CPNE4: variants seen among roughly 807,000 people sequenced by gnomAD.
CPNE4 encodes the protein copine 4, also known as copine-4.
Under a neutral mutation model 67.9 loss-of-function variants are expected in CPNE4, and 25 were observed. That is an observed-to-expected ratio of 0.37 (90% CI 0.27 to 0.51). The LOEUF is 0.51. Among genes scored for constraint, CPNE4 ranks in the 20% least tolerant of loss-of-function variants. The pLI is 0.93. For synonymous variants in CPNE4, 242 were observed against 244.9 expected, an observed-to-expected ratio of 0.99 and a Z score of 0.11; for missense variants, 464 against 690.8, an observed-to-expected ratio of 0.67 and a Z score of 3.68.
intron 2 of CPNE4, among the ~76,000 whole-genome samples, chr3:131,743,926 G>C (rs1460280316): frequency 8.9e-6 from 1 of 111,930 alleles, no homozygotes; most frequent in Non-Finnish European, 1.6e-5. Context: ...TCGCGCCACT[G>C]CACTCCAGCC....
chr3:131,762,843 G>C (rs558723292), intron 2 of CPNE4, among the ~76,000 whole-genome samples: 1 of 151,642 alleles, frequency 6.6e-6, no homozygotes, highest in South Asian at 2.1e-4. Flanking sequence ...TGAATATCAT[G>C]AGTGTCAGCA....
At chr3:131,674,267 G>T (rs2107662191) in intron 6 of CPNE4, among the ~76,000 whole-genome samples, 1 of 152,078 alleles carries the variant, frequency 6.6e-6, no homozygotes, top group Non-Finnish European at 1.5e-5. Context: ...ATATTGGCCT[G>T]TAGTTTTCTT....
chr3:131,736,698 A>G (rs1446285740), intron 2 of CPNE4, among the ~76,000 whole-genome samples: 1 of 151,136 alleles, frequency 6.6e-6, no homozygotes, highest in Non-Finnish European at 1.5e-5. Flanking sequence ...GAGTTTAGGG[A>G]TCACATTGTT....
chr3:131,817,048 A>G (rs1276686934), intron 2 of CPNE4, among the ~76,000 whole-genome samples: 1 of 152,178 alleles, frequency 6.6e-6, no homozygotes, highest in African/African-American at 2.4e-5. Flanking sequence ...GTTTTTGAAG[A>G]CTTACATTTG....
At chr3:131,595,692 A>G (rs1251328247) in intron 7 of CPNE4, among the ~76,000 whole-genome samples, 1 of 152,068 alleles carries the variant, frequency 6.6e-6, no homozygotes, top group Non-Finnish European at 1.5e-5. Flanking sequence ...CAAAGCAATA[A>G]CTCACTCATT....
intron 2 of CPNE4, among the ~76,000 whole-genome samples, chr3:131,732,250 G>T (rs2082144425): frequency 6.6e-6 from 1 of 152,124 alleles, no homozygotes; most frequent in Non-Finnish European, 1.5e-5. Flanking sequence ...ATGAATGAAA[G>T]AAATAATCGT....
chr3:131,820,168 A>T (rs1219925216), intron 2 of CPNE4, among the ~76,000 whole-genome samples: 1 of 152,218 alleles, frequency 6.6e-6, no homozygotes, highest in Non-Finnish European at 1.5e-5. Flanking sequence ...CTGAAAGCAG[A>T]TTCTGAGTTT....
At chr3:131,923,969 C>T (rs1187432801) in intron 1 of CPNE4, among the ~76,000 whole-genome samples, 2 of 152,024 alleles carry the variant, frequency 1.3e-5, no homozygotes, top group African/African-American at 2.4e-5. Flanking sequence ...ATCCAAAAGA[C>T]CAAAGGGACC....
At chr3:131,874,478 C>G (rs1188864100) in intron 2 of CPNE4, among the ~76,000 whole-genome samples, 8 of 152,340 alleles carry the variant, frequency 5.3e-5, no homozygotes, top group Admixed American at 1.3e-4. Flanking sequence ...GAATGAGATA[C>G]AGCCCAGGCC....
chr3:132,016,993 T>A (rs2073902229), intron 1 of CPNE4, among the ~76,000 whole-genome samples: 1 of 152,084 alleles, frequency 6.6e-6, no homozygotes, highest in Non-Finnish European at 1.5e-5. Flanking sequence ...GTGGTAGGTG[T>A]TCAATATATG....
At chr3:131,612,338 C>T (rs565916161) in intron 7 of CPNE4, among the ~76,000 whole-genome samples, 1 of 152,200 alleles carries the variant, frequency 6.6e-6, no homozygotes, top group African/African-American at 2.4e-5. Context: ...TGAGCCACTG[C>T]ACTTCAGCCT....
intron 1 of CPNE4, among the ~76,000 whole-genome samples, chr3:132,001,657 C>G (rs142837215): frequency 6.6e-6 from 1 of 151,940 alleles, no homozygotes; most frequent in African/African-American, 2.4e-5. Context: ...TCCATCCATA[C>G]TAAGTATTCG....
chr3:131,879,653 A>G (rs2087594609), intron 2 of CPNE4, among the ~76,000 whole-genome samples: 1 of 152,164 alleles, frequency 6.6e-6, no homozygotes, highest in African/African-American at 2.4e-5. Flanking sequence ...CCCCTTCTCA[A>G]AAGGTCTTTT....
chr3:131,820,383 C>G (rs755402503), intron 2 of CPNE4, among the ~76,000 whole-genome samples: 4 of 152,146 alleles, frequency 2.6e-5, no homozygotes, highest in Non-Finnish European at 5.9e-5. Flanking sequence ...ACATTTATCA[C>G]ACCTTAATCC....
At chr3:131,644,429 G>T (rs1361901553) in intron 7 of CPNE4, among the ~76,000 whole-genome samples, 3 of 152,174 alleles carry the variant, frequency 2.0e-5, no homozygotes, top group African/African-American at 7.2e-5. Context: ...TTATAGGTGT[G>T]AGCCACCAGG....
intron 7 of CPNE4, among the ~76,000 whole-genome samples, chr3:131,666,870 C>T (rs1442017169): frequency 6.6e-6 from 1 of 152,122 alleles, no homozygotes; most frequent in Non-Finnish European, 1.5e-5. Flanking sequence ...AAATACAGTG[C>T]TTAGACCTTG....
At chr3:131,751,946 C>T (rs1327097081) in intron 2 of CPNE4, among the ~76,000 whole-genome samples, 1 of 152,068 alleles carries the variant, frequency 6.6e-6, no homozygotes, top group Non-Finnish European at 1.5e-5. Flanking sequence ...GTCCTATTTC[C>T]CTAGCTGGTC....
intron 2 of CPNE4, among the ~76,000 whole-genome samples, chr3:131,825,689 T>G (rs2085130608): frequency 6.6e-6 from 1 of 152,062 alleles, no homozygotes; most frequent in African/African-American, 2.4e-5. Context: ...TGAAATGAAA[T>G]TTATAAAAGC....
intron 1 of CPNE4, among the ~76,000 whole-genome samples, chr3:131,930,737 C>T (rs1378321009): frequency 6.6e-6 from 1 of 152,116 alleles, no homozygotes; most frequent in African/African-American, 2.4e-5. Context: ...ATATGTGGTT[C>T]TCTTTGGGCC....
Sources: allele counts gnomAD v4.1 joint callset (sites outside exome capture counted in the v4.1 genomes callset), GRCh38; gene constraint gnomAD v4.1.1; transcripts MANE v1.5; gene names NCBI Gene and HGNC (gene_info 2026-07-23, HGNC 2026-07-21).